Variants in LAMA2 observed in about 807,000 individuals in gnomAD.
LAMA2 encodes the protein laminin subunit alpha-2.
A neutral mutation model predicts 364.8 loss-of-function variants in LAMA2; 269 were observed. The ratio of observed to expected loss-of-function variants is 0.74; its 90% CI spans 0.67 to 0.82. The LOEUF (loss-of-function observed/expected upper bound fraction) is 0.82. Ranked by LOEUF, LAMA2 falls within the 40% of genes least tolerant of loss-of-function variation. The pLI is 0.00. For synonymous variants in LAMA2, 1,379 were observed against 1,370.6 expected (o/e 1.01, Z -0.14); for missense variants, 3,807 against 3,873.2 (o/e 0.98, Z 0.45).
chr6:129,331,525 T>C (rs1775651955), intron 29 of LAMA2, among the ~76,000 whole-genome samples: 1 of 152,114 alleles, frequency 6.6e-6, no homozygotes, highest in Non-Finnish European at 1.5e-5. Context: ...TATGACTCTT[T>C]TCTATTACTT....
At chr6:129,015,291 G>C (rs1018547468) in intron 1 of LAMA2, among the ~76,000 whole-genome samples, 1 of 151,968 alleles carries the variant, frequency 6.6e-6, no homozygotes, top group Non-Finnish European at 1.5e-5. Flanking sequence ...AAAGTAATGC[G>C]TCCATTCTAA....
At chr6:129,068,097 A>C (rs6569579) in intron 3 of LAMA2, among the ~76,000 whole-genome samples, 144,921 of 152,224 alleles carry the variant, frequency 0.95, 69,064 homozygotes, top group East Asian at 0.97. Context: ...AGAATAGTGC[A>C]CAACATATAG....
At chr6:129,411,573 C>T (rs897246914) in intron 40 of LAMA2, among the ~76,000 whole-genome samples, 2 of 152,084 alleles carry the variant, frequency 1.3e-5, no homozygotes. Context: ...GTAAAAACTC[C>T]ATAGAAACCT....
At chr6:129,096,944 A>G (rs905891441) in intron 3 of LAMA2, among the ~76,000 whole-genome samples, 2 of 152,220 alleles carry the variant, frequency 1.3e-5, no homozygotes, top group African/African-American at 4.8e-5. Flanking sequence ...GGTATACCAT[A>G]GATCCTATAC....
At chr6:129,154,185 G>T (rs745842621) in intron 7 of LAMA2, among the ~76,000 whole-genome samples, 6 of 152,092 alleles carry the variant, frequency 3.9e-5, no homozygotes, top group Admixed American at 2.6e-4. Context: ...AGGCTGAGGC[G>T]GGTGGATCAT....
At chr6:129,468,558 C>T (rs1562591994) in intron 51 of LAMA2, among the ~76,000 whole-genome samples, 1 of 151,660 alleles carries the variant, frequency 6.6e-6, no homozygotes, top group Non-Finnish European at 1.5e-5. Context: ...AAATAATTCA[C>T]AAAAGAAAAA....
At chr6:129,113,040 A>C (rs1237266014) in intron 4 of LAMA2, among the ~76,000 whole-genome samples, 4 of 152,106 alleles carry the variant, frequency 2.6e-5, no homozygotes, top group Non-Finnish European at 5.9e-5. Flanking sequence ...CCTGTACAAC[A>C]ATTGTGATTA....
chr6:128,932,616 C>T (rs1304432961), intron 1 of LAMA2, among the ~76,000 whole-genome samples: 1 of 152,140 alleles, frequency 6.6e-6, no homozygotes, highest in Non-Finnish European at 1.5e-5. Flanking sequence ...AGAGGGTGAG[C>T]TCTAGGTGAC....
chr6:129,092,850 A>C (rs536348621), intron 3 of LAMA2, among the ~76,000 whole-genome samples: 1 of 152,302 alleles, frequency 6.6e-6, no homozygotes, highest in East Asian at 1.9e-4. Context: ...CAGCCTAAGG[A>C]AACAGAAGTC....
chr6:129,383,515 T>C (rs1778813360), intron 35 of LAMA2, among the ~76,000 whole-genome samples: 1 of 152,166 alleles, frequency 6.6e-6, no homozygotes. Context: ...TAGGCAACTT[T>C]TGTTTTGTTA....
chr6:129,188,338 G>A (rs1175780661), intron 10 of LAMA2, among the ~76,000 whole-genome samples: 3 of 151,870 alleles, frequency 2.0e-5, no homozygotes, highest in African/African-American at 4.8e-5. Flanking sequence ...CTAAAATGGA[G>A]CTAAGGAAAA....
At chr6:129,041,660 G>A (rs9492207) in intron 1 of LAMA2, among the ~76,000 whole-genome samples, 3,754 of 152,054 alleles carry the variant, frequency 0.025, 144 homozygotes, top group African/African-American at 0.087. Flanking sequence ...TCATGCACTT[G>A]GTAAGGTTGA....
chr6:129,140,111 G>T (rs1778032464), intron 4 of LAMA2, among the ~76,000 whole-genome samples: 1 of 152,090 alleles, frequency 6.6e-6, no homozygotes, highest in African/African-American at 2.4e-5. Flanking sequence ...AACATAAATA[G>T]ACAAGCATAA....
chr6:129,274,238 G>A (rs2114370026), intron 17 of LAMA2, among the ~76,000 whole-genome samples: 1 of 151,666 alleles, frequency 6.6e-6, no homozygotes, highest in East Asian at 1.9e-4. Flanking sequence ...CTAACAACCT[G>A]AAATGTTTAA....
At chr6:129,097,546 T>C (rs891285707) in intron 3 of LAMA2, among the ~76,000 whole-genome samples, 1 of 152,204 alleles carries the variant, frequency 6.6e-6, no homozygotes, top group African/African-American at 2.4e-5. Flanking sequence ...CTTCATTTAA[T>C]GTGTTTCAGG....
chr6:129,502,597 A>C, intron 58 of LAMA2, 62 bp from the exon 59 acceptor site: 1 of 1,005,010 alleles, frequency 1.0e-6, no homozygotes, highest in Non-Finnish European at 1.6e-6. Context: ...ATTAGACAGC[A>C]TCATTACCTT....
At chr6:128,912,008 G>T (rs1778000665) in intron 1 of LAMA2, among the ~76,000 whole-genome samples, 1 of 152,142 alleles carries the variant, frequency 6.6e-6, no homozygotes, top group African/African-American at 2.4e-5. Flanking sequence ...ATTTTCCGTT[G>T]AATGAATGTA....
At position 128,976,032 on chromosome 6, in the gene LAMA2, A is replaced by T. The variant is rs149004027; in HGVS notation, c.113-73886A>T. Among the ~76,000 whole-genome samples the T allele has an allele frequency of 7.4e-3, 1,127 of 152,354 alleles. 16 individuals carry two copies. Among genetic ancestry groups the T allele is most frequent in the Middle Eastern group, 0.024 (7 of 294 alleles). ...TGCAATGTGGAAAATGAATTGGAAAAGTCAGAAGAGGAAAATTCATTAAAA... is the reference window on the plus strand; with the variant it reads ...TGCAATGTGGAAAATGAATTGGAAATGTCAGAAGAGGAAAATTCATTAAAA... On this transcript the variant is annotated intron_variant, in intron 1 of 64. Transcript: ENST00000421865.
chr6:129,027,556 A>C (rs1785912041), intron 1 of LAMA2, among the ~76,000 whole-genome samples: 1 of 152,020 alleles, frequency 6.6e-6, no homozygotes, highest in Non-Finnish European at 1.5e-5. Flanking sequence ...ATCTACAGAC[A>C]AAGAATCAAA....
Sources: allele counts gnomAD v4.1 joint callset (sites outside exome capture counted in the v4.1 genomes callset), GRCh38; gene constraint gnomAD v4.1.1; transcripts MANE v1.5; gene names NCBI Gene and HGNC (gene_info 2026-07-23, HGNC 2026-07-21).